The following RIMS4 variants were observed in gnomAD, a reference collection of about 807,000 sequenced individuals.
RIMS4 encodes regulating synaptic membrane exocytosis 4, also known as regulating synaptic membrane exocytosis protein 4.
In RIMS4, 9 loss-of-function variants were observed where a neutral mutation model predicts 29.0. The observed-to-expected ratio is 0.31, with a 90% CI of 0.19 to 0.54. RIMS4 has a LOEUF of 0.54. Ranked by LOEUF, RIMS4 falls within the 20% of genes least tolerant of loss-of-function variation. The pLI, the probability that RIMS4 is intolerant of heterozygous loss-of-function variation, is 0.94. For missense variants in RIMS4, 193 were observed against 365.7 expected (o/e 0.53, Z 3.85); for synonymous variants, 130 against 152.9 (o/e 0.85, Z 1.10).
intron 1 of RIMS4, among the ~76,000 whole-genome samples, chr20:44,790,833 T>G (rs1482189384): frequency 6.6e-6 from 1 of 152,264 alleles, no homozygotes; most frequent in Non-Finnish European, 1.5e-5. Context: ...TTCTGCTTCT[T>G]GCATTTAAAT....
intron 1 of RIMS4, among the ~76,000 whole-genome samples, chr20:44,789,812 C>T (rs1338796787): frequency 6.6e-6 from 1 of 152,214 alleles, no homozygotes; most frequent in Admixed American, 6.5e-5. Flanking sequence ...GCCACCTCAG[C>T]TTTCCAAAGT....
intron 1 of RIMS4, 151 bp downstream of exon 1, chr20:44,810,024 A>G (rs1601052616): frequency 2.7e-6 from 1 of 365,880 alleles, no homozygotes; most frequent in Non-Finnish European, 5.2e-6. Context: ...CATCCTGGAG[A>G]CCCTGGGGTC....
At chr20:44,778,323 T>C (rs940140033) in intron 1 of RIMS4, among the ~76,000 whole-genome samples, 5 of 152,186 alleles carry the variant, frequency 3.3e-5, no homozygotes, top group African/African-American at 1.2e-4. Flanking sequence ...GATCAATGCC[T>C]TTATTGTACA....
intron 1 of RIMS4, among the ~76,000 whole-genome samples, chr20:44,784,300 C>T (rs1405795042): frequency 2.0e-5 from 3 of 152,300 alleles, no homozygotes; most frequent in East Asian, 3.9e-4. Context: ...TGAGGGAATT[C>T]CTTCCTTCCA....
chr20:44,776,049 C>T (rs2066158939), intron 1 of RIMS4, among the ~76,000 whole-genome samples: 1 of 152,122 alleles, frequency 6.6e-6, no homozygotes, highest in African/African-American at 2.4e-5. Context: ...AAGACCCAGG[C>T]AGGTGGATCA....
intron 1 of RIMS4, among the ~76,000 whole-genome samples, chr20:44,774,863 A>C (rs2145457168): frequency 6.6e-6 from 1 of 151,642 alleles, no homozygotes; most frequent in South Asian, 2.1e-4. Context: ...CTGCCTCTCC[A>C]TCCTCGGGCC....
intron 1 of RIMS4, among the ~76,000 whole-genome samples, chr20:44,789,658 C>T (rs2066224282): frequency 6.6e-6 from 1 of 152,174 alleles, no homozygotes; most frequent in Non-Finnish European, 1.5e-5. Flanking sequence ...CTGGGCTCAG[C>T]AATCGTCGTA....
intron 1 of RIMS4, among the ~76,000 whole-genome samples, chr20:44,803,754 C>T (rs1357914364): frequency 6.6e-6 from 1 of 152,240 alleles, no homozygotes; most frequent in Non-Finnish European, 1.5e-5. Context: ...TGGCCTACAT[C>T]AGTCTGGAGA....
chr20:44,798,075 T>C (rs528012170), intron 1 of RIMS4, among the ~76,000 whole-genome samples: 1 of 152,274 alleles, frequency 6.6e-6, no homozygotes, highest in East Asian at 1.9e-4. Flanking sequence ...TGCCCTCCTC[T>C]CTGGATACAC....
At chr20:44,784,994 C>T (rs894787620) in intron 1 of RIMS4, among the ~76,000 whole-genome samples, 1 of 152,240 alleles carries the variant, frequency 6.6e-6, no homozygotes, top group African/African-American at 2.4e-5. Flanking sequence ...CAGCACTTCT[C>T]ACAACTCCTA....
intron 1 of RIMS4, among the ~76,000 whole-genome samples, chr20:44,806,538 C>T (rs1307963870): frequency 6.6e-6 from 1 of 152,176 alleles, no homozygotes; most frequent in African/African-American, 2.4e-5. Flanking sequence ...ATAAGATTAG[C>T]CTATTAAAAT....
chr20:44,758,477 G>A (rs2066070571), intron 2 of RIMS4, among the ~76,000 whole-genome samples: 6 of 152,218 alleles, frequency 3.9e-5, no homozygotes, highest in Admixed American at 3.9e-4. Flanking sequence ...CCCAGATGAT[G>A]CCCTTGCACG....
In RIMS4 at chr20:44,793,799, G is replaced by T. The variant is rs377109312; in HGVS notation, c.97+16376C>A. On this transcript the variant is annotated intron_variant, in intron 1 of 5. Transcript: ENST00000372851. ...AAGGTAGAAATGAAGGCTGGGCATG[G>T]TGGCTCATGCTTGTAATCCCAGTGT... 1.1e-4 allele frequency among the ~76,000 whole-genome samples: 17 copies of T among 152,286 alleles called. No individual in the cohort carries two copies. In the East Asian group the frequency reaches 2.1e-3, roughly 19 times the overall value.
chr20:44,803,600 G>C (rs2066285946), intron 1 of RIMS4, among the ~76,000 whole-genome samples: 1 of 152,174 alleles, frequency 6.6e-6, no homozygotes. Flanking sequence ...CAATTACGGG[G>C]GCTAAGAATA....
At chr20:44,764,190 T>TCCA (rs1568895696) in intron 2 of RIMS4, among the ~76,000 whole-genome samples, 22 of 10,122 alleles carry the variant, frequency 2.2e-3, no homozygotes, top group South Asian at 4.1e-3. Flanking sequence ...ATCCATCCAT[T>TCCA]TATCCATCCA....
intron 1 of RIMS4, among the ~76,000 whole-genome samples, chr20:44,779,392 T>C (rs1406026547): frequency 1.3e-5 from 2 of 152,254 alleles, no homozygotes; most frequent in Non-Finnish European, 2.9e-5. Flanking sequence ...AAGGCCCACA[T>C]GCCACTTCCA....
chr20:44,800,494 T>C (rs922400539), intron 1 of RIMS4, among the ~76,000 whole-genome samples: 3 of 152,054 alleles, frequency 2.0e-5, no homozygotes, highest in African/African-American at 7.3e-5. Context: ...TTTAAAATGT[T>C]GTAGCATCTG....
At chr20:44,774,173 C>T (rs1286273754) in intron 1 of RIMS4, among the ~76,000 whole-genome samples, 1 of 152,148 alleles carries the variant, frequency 6.6e-6, no homozygotes, top group Non-Finnish European at 1.5e-5. Flanking sequence ...TGTTCCAGTG[C>T]TTTCCCAACT....
intron 2 of RIMS4, among the ~76,000 whole-genome samples, chr20:44,760,022 G>C (rs772736998): frequency 2.0e-5 from 3 of 152,254 alleles, no homozygotes; most frequent in Non-Finnish European, 2.9e-5. Flanking sequence ...AGGAGGTAGA[G>C]AGCAAGAGAC....
Sources: gnomAD v4.1 joint callset for allele counts (sites outside exome capture counted in the v4.1 genomes callset) on GRCh38, gnomAD v4.1.1 for gene constraint, MANE v1.5 for transcripts, NCBI Gene and HGNC (gene_info 2026-07-23, HGNC 2026-07-21) for gene names.